KIAA0825: variants seen among roughly 807,000 people sequenced by gnomAD.
KIAA0825 encodes the protein uncharacterized protein KIAA0825.
KIAA0825 carries 119 observed loss-of-function variants against 147.6 expected under a neutral mutation model. The observed-to-expected ratio is 0.81, with a 90% CI of 0.69 to 0.94. The LOEUF is 0.94. KIAA0825 is among the 40% of genes least tolerant of loss of function. The probability of loss-of-function intolerance (pLI) is 0.00; values close to 1 mark genes in which losing one functional copy is unlikely to be tolerated. For missense variants in KIAA0825, 1,381 were observed against 1,472.7 expected (o/e 0.94, Z 1.02); for synonymous variants, 470 against 518.1 (o/e 0.91, Z 1.26).
At chr5:94,284,665 G>A (rs1474318985) in intron 20 of KIAA0825, among the ~76,000 whole-genome samples, 1 of 152,058 alleles carries the variant, frequency 6.6e-6, no homozygotes, top group African/African-American at 2.4e-5. Context: ...TAGTCAAGTT[G>A]TGCTATTTTG....
chr5:94,515,745 T>C (rs1584747468), intron 5 of KIAA0825, among the ~76,000 whole-genome samples: 2 of 147,756 alleles, frequency 1.4e-5, no homozygotes, highest in African/African-American at 2.7e-5. Context: ...TGAGCCGAGA[T>C]TGCGCCATTG....
At chr5:94,445,791 CTG>C (rs1383569534) in intron 13 of KIAA0825, among the ~76,000 whole-genome samples, 2 of 152,184 alleles carry the variant, frequency 1.3e-5, no homozygotes, top group Non-Finnish European at 1.5e-5. Context: ...TTTAAAATAA[CTG>C]TTCCATAGAC....
intron 13 of KIAA0825, among the ~76,000 whole-genome samples, chr5:94,450,588 C>T (rs1178041301): frequency 1.2e-4 from 18 of 151,910 alleles, no homozygotes; most frequent in Admixed American, 1.2e-3. Context: ...TGAACCCATT[C>T]CTGTAAGCCC....
At chr5:94,535,985 C>G (rs1771927449) in intron 3 of KIAA0825, among the ~76,000 whole-genome samples, 1 of 152,172 alleles carries the variant, frequency 6.6e-6, no homozygotes, top group African/African-American at 2.4e-5. Context: ...GATTCCCTTC[C>G]ATTTTTGCAA....
intron 1 of KIAA0825, among the ~76,000 whole-genome samples, chr5:94,616,184 T>C (rs1466235530): frequency 6.6e-6 from 1 of 152,180 alleles, no homozygotes; most frequent in Non-Finnish European, 1.5e-5. Context: ...TGCCTACAAG[T>C]CAATGCAATG....
intron 20 of KIAA0825, among the ~76,000 whole-genome samples, chr5:94,164,996 G>A (rs964413638): frequency 2.6e-5 from 4 of 152,080 alleles, no homozygotes; most frequent in East Asian, 3.9e-4. Flanking sequence ...CAACCAAAGC[G>A]AAAATTGACA....
chr5:94,563,321 G>A (rs1403245502), intron 2 of KIAA0825, among the ~76,000 whole-genome samples: 2 of 150,700 alleles, frequency 1.3e-5, no homozygotes, highest in African/African-American at 4.9e-5. Context: ...TCGCACCACT[G>A]CACTCCAGCC....
intron 1 of KIAA0825, among the ~76,000 whole-genome samples, chr5:94,587,158 C>A (rs1051335241): frequency 1.2e-4 from 18 of 152,176 alleles, no homozygotes; most frequent in Admixed American, 1.2e-3. Flanking sequence ...TCTCTCATCA[C>A]TCCTATTCAA....
In KIAA0825 at chr5:94,509,426, G is replaced by A. The variant is rs199561974; in HGVS notation, c.970+10822C>T. 3.9e-5 allele frequency among the ~76,000 whole-genome samples: 6 copies of A among 152,244 alleles called. No individual in the cohort carries two copies. In the East Asian group the frequency reaches 1.2e-3, roughly 29 times the overall value. On this transcript the variant is annotated intron_variant, in intron 5 of 20. Transcript: ENST00000682413. ...ATGTAAAGAAAGTATGTATTTTTCT[G>A]TAACTCAAATCCCTACAAATAGGTT... is the stretch of plus-strand genomic sequence containing the variant.
At chr5:94,395,450 T>G (rs759135228) in intron 17 of KIAA0825, among the ~76,000 whole-genome samples, 7 of 152,204 alleles carry the variant, frequency 4.6e-5, no homozygotes, top group Non-Finnish European at 7.3e-5. Context: ...ACCTGAAGAC[T>G]AATTTAAAGA....
chr5:94,375,538 G>A (rs1161776728), intron 20 of KIAA0825, among the ~76,000 whole-genome samples: 1 of 152,068 alleles, frequency 6.6e-6, no homozygotes, highest in Non-Finnish European at 1.5e-5. Flanking sequence ...CAAGTCTACT[G>A]GTTAATATCC....
Position 94,432,589 on chromosome 5 carries a change from C to CAA in KIAA0825, c.2497+7391_2497+7392dup, listed in dbSNP as rs143838704. Among the ~76,000 whole-genome samples, 17 of 147,092 alleles carry CAA rather than the reference C, an allele frequency of 1.2e-4. No homozygotes were observed. In the East Asian group the frequency reaches 2.2e-3, roughly 19 times the overall value. On this transcript the variant is annotated intron_variant, in intron 14 of 20. Coordinates refer to ENST00000682413, the MANE Select transcript of KIAA0825 (RefSeq NM_001145678.3). ...ATATGGTTCTTAGTAAAGAAAGTGA[C>CAA]AAAAAAAAAATAGAACAAGTCAGAG...
At chr5:94,596,816 G>A (rs916450182) in intron 1 of KIAA0825, among the ~76,000 whole-genome samples, 2 of 152,022 alleles carry the variant, frequency 1.3e-5, no homozygotes, top group Non-Finnish European at 2.9e-5. Flanking sequence ...GTCTTCCTAG[G>A]TATTTTATTA....
At chr5:94,371,810 T>C (rs928896063) in intron 20 of KIAA0825, among the ~76,000 whole-genome samples, 1 of 152,080 alleles carries the variant, frequency 6.6e-6, no homozygotes, top group African/African-American at 2.4e-5. Context: ...AACAGTCCAT[T>C]AAAGTCTTAA....
intron 13 of KIAA0825, among the ~76,000 whole-genome samples, chr5:94,443,737 T>C (rs1422448908): frequency 6.6e-6 from 1 of 152,180 alleles, no homozygotes; most frequent in East Asian, 1.9e-4. Flanking sequence ...CATGCTGCAA[T>C]AGAATGTTTA....
intron 12 of KIAA0825, 37 bp from the exon 13 acceptor site, chr5:94,453,106 G>A (rs748074977): frequency 1.9e-6 from 2 of 1,040,612 alleles, no homozygotes; most frequent in Admixed American, 3.1e-5. Flanking sequence ...GAATATACAG[G>A]AAGCATTAAC....
At chr5:94,519,997 T>C in intron 5 of KIAA0825, 1 of 1,105,026 alleles carries the variant, frequency 9.0e-7, no homozygotes. Context: ...TCAAGAGAAA[T>C]TAAACTCTTA....
At chr5:94,605,865 C>T (rs1787395821) in intron 1 of KIAA0825, among the ~76,000 whole-genome samples, 1 of 152,100 alleles carries the variant, frequency 6.6e-6, no homozygotes, top group South Asian at 2.1e-4. Context: ...CATGAGGATG[C>T]CCTCTCTCGC....
At chr5:94,452,829 T>C (rs1758589134) in intron 13 of KIAA0825, 130 bp downstream of exon 13, 1 of 509,008 alleles carries the variant, frequency 2.0e-6, no homozygotes, top group South Asian at 4.0e-5. Flanking sequence ...TTTACTTACC[T>C]GCCAATTGTG....
Sources: gnomAD v4.1 joint callset for allele counts (sites outside exome capture counted in the v4.1 genomes callset) on GRCh38, gnomAD v4.1.1 for gene constraint, MANE v1.5 for transcripts, NCBI Gene and HGNC (gene_info 2026-07-23, HGNC 2026-07-21) for gene names.